Variants in CMIP observed in about 807,000 individuals in gnomAD.
The protein encoded by CMIP is C-Maf-inducing protein.
CMIP carries 13 observed loss-of-function variants against 97.3 expected under a neutral mutation model. The observed-to-expected ratio is 0.13, with a 90% CI of 0.09 to 0.21. The LOEUF is 0.21. Among genes scored for constraint, CMIP ranks in the 10% least tolerant of loss-of-function variants. The pLI is 1.00. For missense variants in CMIP, 847 were observed against 1,024.9 expected (o/e 0.83, Z 2.37); for synonymous variants, 538 against 436.3 (o/e 1.23, Z -2.91).
At chr16:81,494,722 C>T (rs569092050) in intron 1 of CMIP, among the ~76,000 whole-genome samples, 1 of 152,218 alleles carries the variant, frequency 6.6e-6, no homozygotes. Context: ...AAAGCCTGTG[C>T]TCTTTCGACT....
chr16:81,638,187 C>T (rs1041350075), intron 3 of CMIP, among the ~76,000 whole-genome samples: 4 of 152,214 alleles, frequency 2.6e-5, no homozygotes, highest in African/African-American at 9.6e-5. Context: ...CCTGGGGATA[C>T]TCGTCACTGG....
intron 14 of CMIP, 96 bp downstream of exon 14, chr16:81,696,763 C>A: frequency 1.7e-6 from 2 of 1,202,966 alleles, no homozygotes; most frequent in Non-Finnish European, 1.2e-6. Context: ...CTGGGGCCAG[C>A]CCCGGAGTTT....
At chr16:81,463,004 C>T (rs1272285058) in intron 1 of CMIP, among the ~76,000 whole-genome samples, 1 of 152,238 alleles carries the variant, frequency 6.6e-6, no homozygotes, top group South Asian at 2.1e-4. Flanking sequence ...CATTTGAACG[C>T]CTGGAATTTG....
At chr16:81,640,634 G>A (rs1404377015) in intron 3 of CMIP, among the ~76,000 whole-genome samples, 1 of 152,128 alleles carries the variant, frequency 6.6e-6, no homozygotes, top group Non-Finnish European at 1.5e-5. Context: ...GACTCTAGGG[G>A]AGGGCCTTTT....
intron 2 of CMIP, chr16:81,619,309 C>T (rs1448282988): frequency 6.6e-6 from 1 of 152,242 alleles, no homozygotes; most frequent in African/African-American, 2.4e-5. Flanking sequence ...ACCACACTTG[C>T]TACTGGAATG....
chr16:81,706,469 C>T (rs1047870202), intron 19 of CMIP, among the ~76,000 whole-genome samples: 14 of 152,220 alleles, frequency 9.2e-5, no homozygotes, highest in Non-Finnish European at 1.2e-4. Flanking sequence ...AATGCAGATG[C>T]GCTGCTTCCA....
intron 1 of CMIP, among the ~76,000 whole-genome samples, chr16:81,462,427 A>G (rs1906950523): frequency 6.6e-6 from 1 of 152,194 alleles, no homozygotes; most frequent in African/African-American, 2.4e-5. Context: ...TCTCTAGGGC[A>G]ATAAACCAGG....
At chr16:81,544,994 T>G (rs1276145102) in intron 1 of CMIP, among the ~76,000 whole-genome samples, 2 of 152,172 alleles carry the variant, frequency 1.3e-5, no homozygotes, top group Non-Finnish European at 2.9e-5. Flanking sequence ...TTTCATCTCC[T>G]GCCAGTTCCT....
rs372495421 is a variant in CMIP at position 81,608,032 on chromosome 16, A to G, written c.426+340A>G. On this transcript the variant is annotated intron_variant, in intron 2 of 20. Coordinates refer to ENST00000537098, the MANE Select transcript of CMIP (RefSeq NM_198390.3). ...ACACAGGTGAGTTGTTAGGCCCAAG[A>G]AGGCCGTGAAAAGCAGATGAGCAAT... Among the ~76,000 whole-genome samples, 4 of 152,354 alleles carry G rather than the reference A, an allele frequency of 2.6e-5. No homozygotes were observed. In the East Asian group the frequency reaches 7.7e-4, roughly 29 times the overall value.
Position 81,652,364 on chromosome 16 carries a change from G to A in CMIP, c.639G>A (p.Glu213=). 1 of 1,612,166 alleles carries A rather than the reference G, an allele frequency of 6.2e-7. No homozygotes were observed. Among genetic ancestry groups the A allele is most frequent in the Non-Finnish European group, 8.5e-7 (1 of 1,179,304 alleles). ...PLEIVSKLLS[E]NTNLTTQEHE... is the part of the protein sequence containing the mutation. ...AAATCGTCTCGAAACTGCTCTCAGA[G>A]GTAAAACCCCTCCCCTGGACCCCTT... is the stretch of plus-strand genomic sequence containing the variant. Residue 213 remains glutamate, a splice_region_variant and synonymous_variant, in exon 4 of 21, where the codon GAG becomes GAA. Transcript: ENST00000537098. This position sits in a 1 kb window ranked among gnomAD's most constrained non-coding sequence, Gnocchi z 5.2.
chr16:81,583,529 A>T (rs2091331467), intron 1 of CMIP, among the ~76,000 whole-genome samples: 1 of 152,232 alleles, frequency 6.6e-6, no homozygotes, highest in South Asian at 2.1e-4. Context: ...ACCAGCACTC[A>T]ATGAAACTTG....
rs750810350 is a variant in CMIP at position 81,705,517 on chromosome 16, C to A, written c.2110C>A (p.Arg704=). The A allele has an allele frequency of 6.2e-7, 1 of 1,605,834 alleles. No homozygotes were observed. The highest frequency in any genetic ancestry group is 1.7e-5 in the Admixed American group (1 of 59,174). Residue 704 remains arginine (R), a synonymous_variant, in exon 19 of 21, where the codon CGG becomes AGG. Transcript: ENST00000537098. ...TCTACAGTTTGGAGACGCTGGCCTT[C>A]GGCTCCTGTCGGAACACCTCACCAT... ...WSTQFGDAGL[R]LLSEHLTMLQ...
At chr16:81,634,723 C>T (rs2092212414) in intron 3 of CMIP, among the ~76,000 whole-genome samples, 2 of 152,174 alleles carry the variant, frequency 1.3e-5, no homozygotes, top group South Asian at 2.1e-4. Context: ...TATTAAAGAA[C>T]AGGATCCTTC....
chr16:81,449,301 C>T (rs1392721243), intron 1 of CMIP, among the ~76,000 whole-genome samples: 3 of 152,202 alleles, frequency 2.0e-5, no homozygotes, highest in Non-Finnish European at 4.4e-5. Flanking sequence ...TTTCACCACT[C>T]TGCTGTTTGA....
intron 1 of CMIP, among the ~76,000 whole-genome samples, chr16:81,515,739 T>C (rs1187793509): frequency 1.3e-5 from 2 of 152,226 alleles, no homozygotes; most frequent in East Asian, 1.9e-4. Context: ...TTCCTTGTCC[T>C]TGCTCTGATC....
Position 81,707,076 on chromosome 16 carries a change from G to C in CMIP, c.2260G>C (p.Asp754His). The C allele has an allele frequency of 6.2e-7, 1 of 1,613,632 alleles. No individual in the cohort carries two copies. Among genetic ancestry groups the C allele is most frequent in the Non-Finnish European group, 8.5e-7 (1 of 1,179,654 alleles). Residue 754 changes from aspartate to histidine, a missense_variant, in exon 20 of 21, where the codon GAT becomes CAT. Coordinates refer to ENST00000537098, the MANE Select transcript of CMIP (RefSeq NM_198390.3). Reference sequence around the variant, plus strand: ...CAAGCTCTCAGCTGACACCTACGAAGATCTGAAGGTAATTCCCTCCTTCCT... The same window carrying C: ...CAAGCTCTCAGCTGACACCTACGAACATCTGAAGGTAATTCCCTCCTTCCT... ...STKLSADTYE[D>H]LKAKLPNLKE... is the part of the protein sequence containing the mutation.
intron 1 of CMIP, among the ~76,000 whole-genome samples, chr16:81,606,533 G>A (rs1056692555): frequency 1.3e-5 from 2 of 152,116 alleles, no homozygotes; most frequent in African/African-American, 2.4e-5. Context: ...AGTGGTGGGT[G>A]GCTGTGGATT....
At position 81,710,019 on chromosome 16, in the gene CMIP, C is replaced by A; in HGVS notation, c.*220C>A. The stretch of plus-strand genomic sequence containing the variant: ...TTAGCTTCGTAATTGGAACCTTTGA[C>A]CTGATCTAAAGTGGACTTTGTAGCA... On this transcript the variant is annotated 3_prime_UTR_variant, in exon 21 of 21. Coordinates refer to ENST00000537098, the MANE Select transcript of CMIP (RefSeq NM_198390.3). 1 of 448,628 alleles carries A rather than the reference C, an allele frequency of 2.2e-6. No individual in the cohort carries two copies. The highest frequency in any genetic ancestry group is 4.2e-5 in the East Asian group (1 of 24,066). 27.8% of individuals were successfully genotyped at this position (448,628 alleles called of 1,614,324 possible). A position where few individuals can be genotyped will look rare whatever the true frequency, so the allele number is the denominator to read the frequency against.
chr16:81,607,596 C>G lies in CMIP; in HGVS notation c.330C>G (p.Ser110=), dbSNP rs1453011638. Residue 110 remains serine, a synonymous_variant, in exon 2 of 21, where the codon TCC becomes TCG. Transcript: ENST00000537098. ...TPTGYMENSV[S]YSAIEDVQLL... is the part of the protein sequence containing the mutation. ...CTGGGTACATGGAAAACTCAGTCTC[C>G]TACAGCGCAATTGAAGACGTTCAGC... is the stretch of plus-strand genomic sequence containing the variant. The G allele has an allele frequency of 1.9e-6, 3 of 1,614,002 alleles. No homozygotes were observed. The highest frequency in any genetic ancestry group is 2.5e-6 in the Non-Finnish European group (3 of 1,179,896).
Sources: allele counts gnomAD v4.1 joint callset (sites outside exome capture counted in the v4.1 genomes callset), GRCh38; gene constraint gnomAD v4.1.1; non-coding constraint Gnocchi (gnomAD v3.1); transcripts MANE v1.5; gene names NCBI Gene and HGNC (gene_info 2026-07-23, HGNC 2026-07-21).